DLAT: variants seen among roughly 807,000 people sequenced by gnomAD.
The protein encoded by DLAT is dihydrolipoyllysine-residue acetyltransferase component of pyruvate dehydrogenase complex, mitochondrial.
A neutral mutation model predicts 68.0 loss-of-function variants in DLAT; 43 were observed. That is an observed-to-expected ratio of 0.63 (90% confidence interval 0.50 to 0.81). The LOEUF (loss-of-function observed/expected upper bound fraction) is 0.81. Among genes scored for constraint, DLAT ranks in the 40% least tolerant of loss-of-function variants. DLAT has a pLI of 0.00. For missense variants in DLAT, 745 were observed against 815.4 expected, an observed-to-expected ratio of 0.91 and a Z score of 1.05; for synonymous variants, 265 against 288.6, an observed-to-expected ratio of 0.92 and a Z score of 0.83.
At chr11:112,049,597 C>T (rs1367420051) in intron 10 of DLAT, among the ~76,000 whole-genome samples, 9 of 148,810 alleles carry the variant, frequency 6.0e-5, no homozygotes, top group Admixed American at 3.3e-4. Flanking sequence ...TAAGACTAGT[C>T]AGGTATACTA....
At chr11:112,040,413 T>C (rs1309064250) in intron 7 of DLAT, among the ~76,000 whole-genome samples, 1 of 152,222 alleles carries the variant, frequency 6.6e-6, no homozygotes, top group African/African-American at 2.4e-5. Context: ...ATAGTAAAGT[T>C]GCAGTGTAAC....
At chr11:112,052,244 A>G (rs1863688680) in intron 11 of DLAT, among the ~76,000 whole-genome samples, 2 of 152,212 alleles carry the variant, frequency 1.3e-5, no homozygotes, top group African/African-American at 4.8e-5. Context: ...TTCCCCACAC[A>G]CCAACCAAAC....
intron 7 of DLAT, 26 bp downstream of exon 7, chr11:112,039,423 T>G: frequency 2.5e-6 from 4 of 1,612,268 alleles, no homozygotes; most frequent in Non-Finnish European, 3.4e-6. Flanking sequence ...TAGAATGGAC[T>G]TTATAAAGTT....
chr11:112,031,142 A>G (rs1407100980), intron 4 of DLAT, among the ~76,000 whole-genome samples: 1 of 152,236 alleles, frequency 6.6e-6, no homozygotes, highest in East Asian at 1.9e-4. Context: ...TTCTGCACAA[A>G]AAAAGCACTT....
chr11:112,030,439 C>G (rs998941910), intron 4 of DLAT: 1 of 352,852 alleles, frequency 2.8e-6, no homozygotes, highest in African/African-American at 2.1e-5. Context: ...GACATCCAAG[C>G]TGTATCATAG....
In DLAT at chr11:112,028,886, G is replaced by T; in HGVS notation, c.601G>T (p.Ala201Ser). ...AAPAPTPAAT[A>S]SPPTPSAQAP... Reference sequence around the variant, plus strand: ...CCCAGCACCAACCCCTGCTGCCACTGCTTCGCCACCTACACCTTCTGCTCA... The same window carrying T: ...CCCAGCACCAACCCCTGCTGCCACTTCTTCGCCACCTACACCTTCTGCTCA... The change falls in exon 4 of 14, where the codon GCT (alanine) becomes TCT (serine). Residue 201 changes from alanine to serine, a missense_variant. Transcript: ENST00000280346. 1 of 1,614,062 alleles carries T rather than the reference G, an allele frequency of 6.2e-7. No individual in the cohort carries two copies. Among genetic ancestry groups the T allele is most frequent in the Non-Finnish European group, 8.5e-7 (1 of 1,179,966 alleles).
intron 4 of DLAT, 92 bp downstream of exon 4, chr11:112,029,037 T>A: frequency 7.1e-7 from 1 of 1,417,906 alleles, no homozygotes; most frequent in Non-Finnish European, 9.9e-7. Flanking sequence ...AAACTGACAT[T>A]AAATGTGGTT....
chr11:112,045,530 A>G (rs1389758006), intron 9 of DLAT, among the ~76,000 whole-genome samples: 1 of 152,100 alleles, frequency 6.6e-6, no homozygotes, highest in Non-Finnish European at 1.5e-5. Context: ...TCTACTAAAG[A>G]TACAAAAATT....
chr11:112,045,651 G>A (rs1423227170), intron 9 of DLAT, among the ~76,000 whole-genome samples: 1 of 150,264 alleles, frequency 6.7e-6, no homozygotes, highest in Non-Finnish European at 1.5e-5. Context: ...TCGCACCACC[G>A]CACTCCAGCC....
intron 11 of DLAT, among the ~76,000 whole-genome samples, chr11:112,057,831 GC>G (rs1410354658): frequency 1.3e-5 from 2 of 151,492 alleles, no homozygotes; most frequent in Non-Finnish European, 2.9e-5. Flanking sequence ...AGATCTACCA[GC>G]AAAAAATTAC....
intron 13 of DLAT, among the ~76,000 whole-genome samples, chr11:112,061,908 T>C (rs1864652060): frequency 6.6e-6 from 1 of 152,124 alleles, no homozygotes; most frequent in Non-Finnish European, 1.5e-5. Flanking sequence ...TATATAGTTA[T>C]TGGCATGCTA....
At chr11:112,060,737 A>G (rs1555183138) in intron 12 of DLAT, among the ~76,000 whole-genome samples, 2 of 152,184 alleles carry the variant, frequency 1.3e-5, no homozygotes, top group Non-Finnish European at 2.9e-5. Context: ...AAGTGCTGGG[A>G]TTACAGGTGT....
rs368523076 is a variant in DLAT, at chr11:112,062,719, T to A, written c.*184T>A. ...TAAAATGCCGATTACACCCAAATATTGTGCACATTTAATAATCAGACACCA... is the reference window on the plus strand; with the variant it reads ...TAAAATGCCGATTACACCCAAATATAGTGCACATTTAATAATCAGACACCA... On this transcript the variant is annotated 3_prime_UTR_variant, in exon 14 of 14. Coordinates refer to ENST00000280346, the MANE Select transcript of DLAT (RefSeq NM_001931.5). The A allele has an allele frequency of 5.7e-5, 37 of 653,754 alleles. No individual in the cohort carries two copies. Among genetic ancestry groups the A allele is most frequent in the East Asian group, 5.1e-4 (17 of 33,034 alleles). The allele number at this position is 653,754 out of a possible 1,614,324, so 40.5% of individuals were successfully genotyped here.
chr11:112,033,618 AT>A, intron 5 of DLAT, 88 bp downstream of exon 5: 1 of 1,458,822 alleles, frequency 6.9e-7, no homozygotes, highest in South Asian at 1.2e-5. Context: ...TGAGTGAGTG[AT>A]AATATGAAAA....
intron 7 of DLAT, among the ~76,000 whole-genome samples, chr11:112,042,796 A>G (rs1359123214): frequency 6.6e-6 from 1 of 152,148 alleles, no homozygotes; most frequent in African/African-American, 2.4e-5. Context: ...TTTTTCCTTC[A>G]TTTCCTTTAA....
chr11:112,043,088 T>TC (rs1555181104), intron 7 of DLAT, among the ~76,000 whole-genome samples: 1 of 152,238 alleles, frequency 6.6e-6, no homozygotes. Context: ...GCAGCTAGTT[T>TC]CCCTTTTGGA....
chr11:112,046,027 C>T (rs1863298058), intron 10 of DLAT, 57 bp downstream of exon 10: 1 of 965,924 alleles, frequency 1.0e-6, no homozygotes. Context: ...CTTTCCCCAC[C>T]AAACATTTAT....
chr11:112,040,121 A>C (rs191684323), intron 7 of DLAT, among the ~76,000 whole-genome samples: 5 of 152,314 alleles, frequency 3.3e-5, no homozygotes, highest in African/African-American at 1.2e-4. Flanking sequence ...TACTCAATAC[A>C]TGTTAGTTGT....
At chr11:112,037,108 C>T (rs888993346) in intron 5 of DLAT, among the ~76,000 whole-genome samples, 165 bp from the exon 6 acceptor site, 7 of 152,036 alleles carry the variant, frequency 4.6e-5, no homozygotes, top group South Asian at 2.1e-4. Flanking sequence ...TTATTATCCC[C>T]GTATTGTAGG....
Sources: gnomAD v4.1 joint callset for allele counts (sites outside exome capture counted in the v4.1 genomes callset) on GRCh38, gnomAD v4.1.1 for gene constraint, MANE v1.5 for transcripts, NCBI Gene and HGNC (gene_info 2026-07-23, HGNC 2026-07-21) for gene names.